The following ABCC12 variants were observed in gnomAD, a reference collection of about 807,000 sequenced individuals.
ABCC12 encodes the protein ATP-binding cassette sub-family C member 12.
ABCC12 carries 142 observed loss-of-function variants against 151.1 expected under a neutral mutation model. The observed-to-expected ratio is 0.94, with a 90% CI of 0.82 to 1.08. The LOEUF is 1.08. ABCC12 is among the 50% of genes least tolerant of loss of function. The probability of loss-of-function intolerance (pLI) is 0.00; values close to 1 mark genes in which losing one functional copy is unlikely to be tolerated. For missense variants in ABCC12, 1,638 were observed against 1,691.1 expected (o/e 0.97, Z 0.55); for synonymous variants, 645 against 646.4 (o/e 1.00, Z 0.03).
intron 13 of ABCC12, among the ~76,000 whole-genome samples, chr16:48,120,042 A>G (rs1430078040): frequency 6.6e-6 from 1 of 152,342 alleles, no homozygotes; most frequent in East Asian, 1.9e-4. Flanking sequence ...GCAAAGAACC[A>G]TAGGAAGCCA....
chr16:48,151,390 G>A (rs539996587), intron 2 of ABCC12, among the ~76,000 whole-genome samples: 2 of 152,298 alleles, frequency 1.3e-5, no homozygotes, highest in Non-Finnish European at 2.9e-5. Flanking sequence ...CAGCCAAGGG[G>A]CACCTAAGGA....
rs1042725572 is a variant in ABCC12, at chr16:48,138,386, G to C, written c.832-11C>G. ...CTTGGCCATAAACATCTGAAATCAAGGTACAAACACTGTTTTCAGAGAGAA... is the reference window on the plus strand; with the variant it reads ...CTTGGCCATAAACATCTGAAATCAACGTACAAACACTGTTTTCAGAGAGAA... On this transcript the variant is annotated splice_polypyrimidine_tract_variant and intron_variant, in intron 7 of 30. Coordinates refer to ENST00000311303, the MANE Select transcript of ABCC12 (RefSeq NM_001393797.1). The C allele has an allele frequency of 1.5e-5, 24 of 1,608,372 alleles. No individual in the cohort carries two copies. Among genetic ancestry groups the C allele is most frequent in the Non-Finnish European group, 1.8e-5 (21 of 1,175,850 alleles).
chr16:48,085,164 A>G (rs1256485225), intron 29 of ABCC12, among the ~76,000 whole-genome samples: 2 of 152,172 alleles, frequency 1.3e-5, no homozygotes, highest in East Asian at 1.9e-4. Flanking sequence ...CCTGGAAATC[A>G]GTAAGTAAGG....
At chr16:48,123,395 AAGG>A (rs919468222) in intron 12 of ABCC12, among the ~76,000 whole-genome samples, 1 of 152,136 alleles carries the variant, frequency 6.6e-6, no homozygotes, top group Non-Finnish European at 1.5e-5. Context: ...CCAGGCAGGG[AAGG>A]AGTTGTCATT....
At position 48,146,382 on chromosome 16, in the gene ABCC12, G is replaced by A. The variant is rs561243035; in HGVS notation, c.43C>T (p.Arg15Ter). 54 of 1,614,144 alleles carry A rather than the reference G, an allele frequency of 3.3e-5. No individual in the cohort carries two copies. Among genetic ancestry groups the A allele is most frequent in the Middle Eastern group, 3.3e-4 (2 of 6,062 alleles). The change falls in exon 3 of 31, where the codon CGA (arginine) becomes TGA (stop). Residue 15 changes from arginine to a stop codon, truncating the protein, a stop_gained. Transcript: ENST00000311303. LOFTEE classifies it high-confidence loss of function. ...TCTGCAAAGGATCTCCGCCGGCCTCGCTGGTCCAGATCTGAGATAAGGTAG... is the reference window on the plus strand; with the variant it reads ...TCTGCAAAGGATCTCCGCCGGCCTCACTGGTCCAGATCTGAGATAAGGTAG... ...GPYLISDLDQ[R>*]GRRRSFAERY... is the part of the protein sequence containing the mutation.
chr16:48,137,050 C>T (rs74018256), intron 8 of ABCC12, among the ~76,000 whole-genome samples: 4,910 of 152,214 alleles, frequency 0.032, 284 homozygotes, highest in African/African-American at 0.11. Context: ...TGACTGACAT[C>T]TTTTAAAGGT....
Position 48,091,175 on chromosome 16 carries a change from C to G in ABCC12, c.3230G>C (p.Gly1077Ala). Reference sequence around the variant, plus strand: ...GGTGAATTTGGCTTGCGTCTCTGTTCCCGTTCGCACACACACTTGGAGCAG... The same window carrying G: ...GGTGAATTTGGCTTGCGTCTCTGTTGCCGTTCGCACACACACTTGGAGCAG... ...SGLLQVCVRT[G>A]TETQAKFTSV... Residue 1077 changes from glycine (G) to alanine (A), a missense_variant, in exon 25 of 31, where the codon GGA (glycine) becomes GCA (alanine). Coordinates refer to ENST00000311303, the MANE Select transcript of ABCC12 (RefSeq NM_001393797.1). The G allele has an allele frequency of 1.9e-6, 3 of 1,614,178 alleles. No individual in the cohort carries two copies. Among genetic ancestry groups the G allele is most frequent in the Non-Finnish European group, 2.5e-6 (3 of 1,180,024 alleles).
intron 8 of ABCC12, among the ~76,000 whole-genome samples, chr16:48,137,212 T>C (rs771787307): frequency 4.6e-5 from 7 of 152,156 alleles, no homozygotes; most frequent in Non-Finnish European, 8.8e-5. Flanking sequence ...CCGGATATAC[T>C]CTGAAGGTAG....
Position 48,146,615 on chromosome 16 carries a change from G to T in ABCC12, c.-50-141C>A, listed in dbSNP as rs562796428. ...CCAATGAGCTTTCCACATTTGTAGG[G>T]GAGTGTGGCCAGAAGACCTGCTACG... On this transcript the variant is annotated intron_variant, in intron 2 of 30. Transcript: ENST00000311303. 3.2e-3 allele frequency: 1,838 copies of T among 576,298 alleles called. 13 individuals carry two copies. The highest frequency in any genetic ancestry group is 4.4e-3 in the Non-Finnish European group (1,437 of 323,310). 35.7% of individuals were successfully genotyped at this position (576,298 alleles called of 1,614,324 possible). A position where few individuals can be genotyped will look rare whatever the true frequency, so the allele number is the denominator to read the frequency against.
intron 22 of ABCC12, 21 bp from the exon 23 acceptor site, chr16:48,101,030 G>A (rs1014088338): frequency 6.2e-7 from 1 of 1,611,560 alleles, no homozygotes; most frequent in Non-Finnish European, 8.5e-7. Flanking sequence ...ATTGAAAGGG[G>A]CCAGGTGGGC....
intron 23 of ABCC12, among the ~76,000 whole-genome samples, chr16:48,099,099 AG>A (rs1597305357): frequency 2.0e-5 from 3 of 152,204 alleles, no homozygotes; most frequent in African/African-American, 7.2e-5. Flanking sequence ...GGGGCGTGAG[AG>A]AGAGAATTAG....
intron 18 of ABCC12, 27 bp from the exon 19 acceptor site, chr16:48,108,556 G>T: frequency 6.2e-7 from 1 of 1,606,114 alleles, no homozygotes; most frequent in Non-Finnish European, 8.5e-7. Context: ...AAGTGCCATG[G>T]CTCTCACCAC....
intron 27 of ABCC12, 75 bp downstream of exon 27, chr16:48,087,851 G>T (rs1334536487): frequency 6.0e-6 from 9 of 1,505,794 alleles, no homozygotes; most frequent in Non-Finnish European, 8.2e-6. Context: ...CATGCCCTGG[G>T]GACATCACAA....
chr16:48,091,148 G>A lies in ABCC12; in HGVS notation c.3257C>T (p.Ser1086Phe), dbSNP rs777256553. The A allele has an allele frequency of 1.2e-6, 2 of 1,614,082 alleles. No individual in the cohort carries two copies. Among genetic ancestry groups the A allele is most frequent in the African/African-American group, 1.3e-5 (1 of 74,916 alleles). ...AATGTATTCCCTGAGCAGCTCCACGGAGGTGAATTTGGCTTGCGTCTCTGT... is the reference window on the plus strand; with the variant it reads ...AATGTATTCCCTGAGCAGCTCCACGAAGGTGAATTTGGCTTGCGTCTCTGT... Reference protein sequence around the residue: ...TGTETQAKFTSVELLREYIST... With the variant: ...TGTETQAKFTFVELLREYIST... The change falls in exon 25 of 31, where the codon TCC (serine) becomes TTC (phenylalanine). Residue 1086 changes from serine (S) to phenylalanine (F), a missense_variant. Coordinates refer to ENST00000311303, the MANE Select transcript of ABCC12 (RefSeq NM_001393797.1).
In ABCC12 at chr16:48,093,386, T is replaced by TGAAG. The variant is rs1962982124; in HGVS notation, c.3196-2178_3196-2177insCTTC. On this transcript the variant is annotated intron_variant, in intron 24 of 30. Transcript: ENST00000311303. The stretch of plus-strand genomic sequence containing the variant: ...GCTGAGCCTTTCCCTGAGGCACTCT[T>TGAAG]TCTTCCAGTCTTCCTTGGCTGGTTC... Among the ~76,000 whole-genome samples, 9 of 152,308 alleles carry TGAAG rather than the reference T, an allele frequency of 5.9e-5. No homozygotes were observed. The South Asian group carries it at 1.9e-3, about 32-fold the overall frequency.
Position 48,081,360 on chromosome 16 carries a change from T to A in ABCC12, c.*2355A>T, listed in dbSNP as rs116045459. ...AGGGGTTTGCTAAGATGGTTTCGTGTCTTATACATGCAAACAGCCAAACCC... is the reference window on the plus strand; with the variant it reads ...AGGGGTTTGCTAAGATGGTTTCGTGACTTATACATGCAAACAGCCAAACCC... On this transcript the variant is annotated 3_prime_UTR_variant, in exon 31 of 31. Coordinates refer to ENST00000311303, the MANE Select transcript of ABCC12 (RefSeq NM_001393797.1). 1.6e-3 allele frequency among the ~76,000 whole-genome samples: 237 copies of A among 152,288 alleles called. 1 individual carries two copies. Among genetic ancestry groups the A allele is most frequent in the African/African-American group, 5.4e-3 (224 of 41,544 alleles).
At chr16:48,102,584 A>T (rs1232987244) in intron 22 of ABCC12, among the ~76,000 whole-genome samples, 1 of 152,118 alleles carries the variant, frequency 6.6e-6, no homozygotes, top group African/African-American at 2.4e-5. Context: ...AGACAGCAGC[A>T]AGAGTCCAGC....
chr16:48,104,089 C>T (rs1963397458), intron 22 of ABCC12, 53 bp downstream of exon 22: 11 of 1,523,034 alleles, frequency 7.2e-6, no homozygotes, highest in Non-Finnish European at 9.9e-6. Flanking sequence ...CACCTGATAC[C>T]CAGTCAGTGT....
Position 48,146,324 on chromosome 16 carries a change from G to A in ABCC12, c.101C>T (p.Pro34Leu). ...GACTTACCTTGCACAGGGTCGCACT[G>A]GGATCATGGTCTTCAGGCTGGGGTC... is the stretch of plus-strand genomic sequence containing the variant. Reference protein sequence around the residue: ...RYDPSLKTMIPVRPCARLAPN... With the variant: ...RYDPSLKTMILVRPCARLAPN... The change falls in exon 3 of 31, where the codon CCA becomes CTA. Residue 34 changes from proline to leucine, a missense_variant. By Grantham distance (98) the Pro-to-Leu change is moderately conservative. Transcript: ENST00000311303. 1.9e-6 allele frequency: 3 copies of A among 1,614,160 alleles called. No homozygotes were observed. The highest frequency in any genetic ancestry group is 2.7e-5 in the African/African-American group (2 of 75,048).
Sources: allele counts gnomAD v4.1 joint callset (sites outside exome capture counted in the v4.1 genomes callset), GRCh38; gene constraint gnomAD v4.1.1; transcripts MANE v1.5; gene names NCBI Gene and HGNC (gene_info 2026-07-23, HGNC 2026-07-21).